Variants in CLXN observed in about 807,000 individuals in gnomAD.
The protein encoded by CLXN is calaxin.
the CLXN span, among the ~76,000 whole-genome samples, chr8:48,716,821 C>T: frequency 1.9e-4 from 29 of 151,688 alleles, no homozygotes; most frequent in South Asian, 6.0e-3. Flanking sequence ...GATTTATGGG[C>T]CATAATCAAG....
At chr8:48,729,740 C>A in the CLXN span, 1 of 1,611,342 alleles carries the variant, frequency 6.2e-7, no homozygotes, top group South Asian at 1.1e-5. Flanking sequence ...AGTGTTATTT[C>A]AACCAAATCT....
chr8:48,714,669 G>T, the CLXN span, among the ~76,000 whole-genome samples: 2 of 152,184 alleles, frequency 1.3e-5, no homozygotes, highest in African/African-American at 4.8e-5. Context: ...GAAATTAAAA[G>T]AATGTATATT....
At chr8:48,714,111 G>T in the CLXN span, 1 of 152,234 alleles carries the variant, frequency 6.6e-6, no homozygotes, top group African/African-American at 2.4e-5. Context: ...CAAAGACCAA[G>T]GTCAGTCAGG....
the CLXN span, chr8:48,730,087 A>G: frequency 1.7e-5 from 7 of 421,266 alleles, no homozygotes; most frequent in Non-Finnish European, 2.5e-5. Flanking sequence ...ATACCAAGGA[A>G]CAGTAACTTG....
chr8:48,711,368 T>C, the CLXN span: 1 of 152,270 alleles, frequency 6.6e-6, no homozygotes, highest in East Asian at 1.9e-4. Context: ...TCTTCCCTCT[T>C]AGCATAGTCT....
chr8:48,714,255 G>T, the CLXN span, among the ~76,000 whole-genome samples: 1 of 152,150 alleles, frequency 6.6e-6, no homozygotes, highest in Non-Finnish European at 1.5e-5. Flanking sequence ...CTTACTATGT[G>T]GTGAGTTAAT....
chr8:48,724,113 G>C, the CLXN span: 1 of 152,130 alleles, frequency 6.6e-6, no homozygotes, highest in Non-Finnish European at 1.5e-5. Context: ...AAATGCTATG[G>C]CAGACAAAGA....
At chr8:48,732,588 A>C in the CLXN span, among the ~76,000 whole-genome samples, 6 of 152,216 alleles carry the variant, frequency 3.9e-5, no homozygotes, top group African/African-American at 1.2e-4. Flanking sequence ...ATAAAAATTA[A>C]ACACAATTAT....
the CLXN span, among the ~76,000 whole-genome samples, chr8:48,726,377 CATCT>C: frequency 6.7e-6 from 1 of 149,810 alleles, no homozygotes; most frequent in Non-Finnish European, 1.5e-5. Flanking sequence ...TCTGCCCATC[CATCT>C]ATTCACCTAC....
At chr8:48,725,174 G>T in the CLXN span, among the ~76,000 whole-genome samples, 1 of 152,166 alleles carries the variant, frequency 6.6e-6, no homozygotes, top group African/African-American at 2.4e-5. Flanking sequence ...GGTTGGGAAC[G>T]AGGCACTCTC....
At chr8:48,735,288 A>G in the CLXN span, 1 of 991,906 alleles carries the variant, frequency 1.0e-6, no homozygotes, top group Non-Finnish European at 1.5e-6. Context: ...CGCGGCCCTA[A>G]CAGACGGTGT....
At chr8:48,727,214 TCATCCATCCATC>T in the CLXN span, among the ~76,000 whole-genome samples, 82 of 111,360 alleles carry the variant, frequency 7.4e-4, no homozygotes, top group African/African-American at 2.1e-3. Context: ...ATCTATCCAC[TCATCCATCCATC>T]CATCCATCCA....
At chr8:48,731,387 C>G in the CLXN span, 1 of 1,612,974 alleles carries the variant, frequency 6.2e-7, no homozygotes. Context: ...CCAAATGTCA[C>G]ATGCAGGATG....
chr8:48,721,819 A>T, the CLXN span, among the ~76,000 whole-genome samples: 2 of 152,368 alleles, frequency 1.3e-5, no homozygotes, highest in East Asian at 3.9e-4. Flanking sequence ...TAAAGACTTA[A>T]TGTTGACTTG....
At chr8:48,727,537 G>T in the CLXN span, among the ~76,000 whole-genome samples, 1 of 152,126 alleles carries the variant, frequency 6.6e-6, no homozygotes, top group Non-Finnish European at 1.5e-5. Flanking sequence ...TGGGGAAAGG[G>T]CTTCTGGACA....
the CLXN span, among the ~76,000 whole-genome samples, chr8:48,721,956 A>G: frequency 2.6e-5 from 4 of 152,242 alleles, no homozygotes; most frequent in African/African-American, 9.6e-5. Context: ...TAAACTTAAA[A>G]ACAAATCTGC....
chr8:48,731,726 G>T, the CLXN span, among the ~76,000 whole-genome samples: 1 of 151,746 alleles, frequency 6.6e-6, no homozygotes, highest in Non-Finnish European at 1.5e-5. Flanking sequence ...AAAAAAATAC[G>T]ATAGTATTAG....
the CLXN span, chr8:48,735,293 C>A: frequency 3.2e-6 from 3 of 951,688 alleles, no homozygotes; most frequent in Admixed American, 4.3e-5. Context: ...CCCTAACAGA[C>A]GGTGTAGCCA....
the CLXN span, among the ~76,000 whole-genome samples, chr8:48,721,433 T>C: frequency 6.6e-6 from 1 of 152,226 alleles, no homozygotes; most frequent in African/African-American, 2.4e-5. Context: ...CCAATGGCAT[T>C]CTTCACAGAA....
Sources: gnomAD v4.1 joint callset for allele counts (sites outside exome capture counted in the v4.1 genomes callset) on GRCh38, gnomAD v4.1.1 for gene constraint, MANE v1.5 for transcripts, NCBI Gene and HGNC (gene_info 2026-07-23, HGNC 2026-07-21) for gene names.